Variants in USP42 observed in about 807,000 individuals in gnomAD.
The protein encoded by USP42 is ubiquitin specific peptidase 42.
In USP42, 23 loss-of-function variants were observed where a neutral mutation model predicts 113.0. That is an observed-to-expected ratio of 0.20 (90% confidence interval 0.15 to 0.29). USP42 has a LOEUF of 0.29. USP42 is among the 10% of genes least tolerant of loss of function. The probability of loss-of-function intolerance (pLI) is 1.00; values close to 1 mark genes in which losing one functional copy is unlikely to be tolerated. For missense variants in USP42, 2,174 were observed against 1,779.8 expected (o/e 1.22, Z -3.99); for synonymous variants, 933 against 699.0 (o/e 1.33, Z -5.28).
intron 3 of USP42, chr7:6,117,010 C>G (rs970798692): frequency 4.7e-5 from 18 of 380,742 alleles, no homozygotes; most frequent in Middle Eastern, 8.3e-4. Flanking sequence ...CCCTCTCTTT[C>G]TCTCTCTCTT....
chr7:6,152,133 C>T (rs1465258583), intron 14 of USP42, among the ~76,000 whole-genome samples: 1 of 152,236 alleles, frequency 6.6e-6, no homozygotes, highest in East Asian at 1.9e-4. Flanking sequence ...CTTCACCTCG[C>T]AAAGCAGCAG....
At position 6,154,817 on chromosome 7, in the gene USP42, T is replaced by C. The variant is rs1479508089; in HGVS notation, c.3263T>C (p.Leu1088Pro). Reference sequence around the variant, plus strand: ...GGCCGCGAGCACGAGCGGGCCGGGCTGCACGAGCGGCCGCACAAGGACCAC... The same window carrying C: ...GGCCGCGAGCACGAGCGGGCCGGGCCGCACGAGCGGCCGCACAAGGACCAC... Reference protein sequence around the residue: ...HGGREHERAGLHERPHKDHNR... With the variant: ...HGGREHERAGPHERPHKDHNR... The change falls in exon 15 of 18, where the codon CTG becomes CCG. Residue 1088 changes from leucine (L) to proline (P), a missense_variant. Leu to Pro is a moderately conservative substitution (Grantham distance 98). Transcript: ENST00000306177. 3 of 1,542,934 alleles carry C rather than the reference T, an allele frequency of 1.9e-6. No individual in the cohort carries two copies. The African/African-American group carries it at 4.1e-5, about 21-fold the overall frequency.
chr7:6,096,158 C>T, the USP42 span, among the ~76,000 whole-genome samples: 1 of 150,976 alleles, frequency 6.6e-6, no homozygotes, highest in African/African-American at 2.5e-5. Context: ...GTCTTCTACA[C>T]AACCAGGTTA....
chr7:6,149,185 C>T (rs1316117032), intron 12 of USP42, among the ~76,000 whole-genome samples: 1 of 152,146 alleles, frequency 6.6e-6, no homozygotes, highest in Non-Finnish European at 1.5e-5. Flanking sequence ...CCCACGTGAC[C>T]GTCTCCTTTG....
At chr7:6,144,504 T>A (rs1447452271) in intron 9 of USP42, among the ~76,000 whole-genome samples, 1 of 152,194 alleles carries the variant, frequency 6.6e-6, no homozygotes, top group South Asian at 2.1e-4. Context: ...CTTCCCACTT[T>A]CTGAAGATTG....
chr7:6,092,625 G>A, the USP42 span, among the ~76,000 whole-genome samples: 11 of 151,136 alleles, frequency 7.3e-5, 1 homozygote, highest in African/African-American at 1.2e-4. Context: ...CCACAGCTCC[G>A]GGTTCCAAAC....
At chr7:6,133,910 A>T (rs1304590673) in intron 3 of USP42, among the ~76,000 whole-genome samples, 6 of 111,148 alleles carry the variant, frequency 5.4e-5, no homozygotes, top group Admixed American at 9.6e-5. Context: ...TTTTTTTTTG[A>T]GACAGCGTCT....
chr7:6,107,067 C>A (rs998305094), intron 1 of USP42, among the ~76,000 whole-genome samples: 2 of 152,148 alleles, frequency 1.3e-5, no homozygotes, highest in Non-Finnish European at 2.9e-5. Context: ...TAGTTTGATG[C>A]CTGATGGTTT....
At chr7:6,117,342 C>T (rs1483222964) in intron 3 of USP42, among the ~76,000 whole-genome samples, 1 of 152,124 alleles carries the variant, frequency 6.6e-6, no homozygotes, top group African/African-American at 2.4e-5. Flanking sequence ...TCAGCATAAT[C>T]CTGTCAACAT....
At chr7:6,087,396 G>A in the USP42 span, among the ~76,000 whole-genome samples, 38 of 141,790 alleles carry the variant, frequency 2.7e-4, no homozygotes, top group South Asian at 1.5e-3. Context: ...CCAGACTGGA[G>A]TGTGATCATA....
chr7:6,090,128 C>G, the USP42 span, among the ~76,000 whole-genome samples: 1 of 148,072 alleles, frequency 6.8e-6, no homozygotes, highest in South Asian at 2.1e-4. Flanking sequence ...GGAGAAACCC[C>G]CGCCTCTACT....
In USP42 at chr7:6,154,469, A is replaced by G; in HGVS notation, c.2915A>G (p.Lys972Arg). Residue 972 changes from lysine to arginine, a missense_variant, in exon 15 of 18, where the codon AAG (lysine) becomes AGG (arginine). Physicochemically the swap from Lys to Arg is conservative, Grantham distance 26 (BLOSUM62 2). Coordinates refer to ENST00000306177, the MANE Select transcript of USP42 (RefSeq NM_032172.3). ...GAGCCCGCCAGAGAGAGCAGGAGCA[A>G]GACTGAGGGCCACCGTCACCGGCGG... is the stretch of plus-strand genomic sequence containing the variant. The part of the protein sequence containing the change: ...SGEPARESRS[K>R]TEGHRHRRRR... The G allele has an allele frequency of 2.6e-6, 4 of 1,559,566 alleles. No individual in the cohort carries two copies. Among genetic ancestry groups the G allele is most frequent in the Non-Finnish European group, 3.5e-6 (4 of 1,153,080 alleles).
chr7:6,116,596 T>C (rs1779923497), intron 3 of USP42: 2 of 349,342 alleles, frequency 5.7e-6, no homozygotes, highest in Non-Finnish European at 1.1e-5. Flanking sequence ...CTTTACTTAA[T>C]GGAGAATTTA....
the USP42 span, among the ~76,000 whole-genome samples, chr7:6,098,801 C>T: frequency 6.6e-6 from 1 of 150,396 alleles, no homozygotes; most frequent in Non-Finnish European, 1.5e-5. Context: ...CTGCCTCGGC[C>T]TCTCAGAGTG....
chr7:6,136,981 T>G (rs1781185589), intron 4 of USP42, among the ~76,000 whole-genome samples: 1 of 152,092 alleles, frequency 6.6e-6, no homozygotes, highest in Non-Finnish European at 1.5e-5. Flanking sequence ...GCTTAGCAAA[T>G]TGGTGGATAA....
intron 3 of USP42, among the ~76,000 whole-genome samples, chr7:6,129,292 A>G (rs1305375183): frequency 1.3e-5 from 2 of 152,196 alleles, no homozygotes; most frequent in African/African-American, 2.4e-5. Context: ...GTGGTGGCTC[A>G]TGCCTGTAAT....
rs1779344605 is a variant in USP42, at chr7:6,107,346, TA to T, written c.-10+2316del. On this transcript the variant is annotated intron_variant, in intron 1 of 17. Transcript: ENST00000306177. ...TGTTGCTGTTTAGTGTTACTGTAAATAAGGCTGGATTAACCTTTTCTTATAT... is the reference window on the plus strand; with the variant it reads ...TGTTGCTGTTTAGTGTTACTGTAAATAGGCTGGATTAACCTTTTCTTATAT... 5.3e-5 allele frequency among the ~76,000 whole-genome samples: 8 copies of T among 152,104 alleles called. No homozygotes were observed. The South Asian group carries it at 1.7e-3, about 32-fold the overall frequency.
At chr7:6,097,290 T>C in the USP42 span, among the ~76,000 whole-genome samples, 4 of 150,956 alleles carry the variant, frequency 2.6e-5, no homozygotes, top group African/African-American at 9.9e-5. Context: ...GCTGGTAGCA[T>C]GCATTTTAGC....
chr7:6,151,203 G>A (rs1358457954), intron 14 of USP42, among the ~76,000 whole-genome samples: 1 of 152,242 alleles, frequency 6.6e-6, no homozygotes, highest in Non-Finnish European at 1.5e-5. Flanking sequence ...GCCAGTGAGT[G>A]AGTGCTGAGT....
Sources: allele counts gnomAD v4.1 joint callset (sites outside exome capture counted in the v4.1 genomes callset), GRCh38; gene constraint gnomAD v4.1.1; transcripts MANE v1.5; gene names NCBI Gene and HGNC (gene_info 2026-07-23, HGNC 2026-07-21).